RARB: variants seen among roughly 807,000 people sequenced by gnomAD.
The protein encoded by RARB is retinoic acid receptor beta.
Under a neutral mutation model 51.9 loss-of-function variants are expected in RARB, and 17 were observed. The ratio of observed to expected loss-of-function variants is 0.33; its 90% confidence interval spans 0.22 to 0.49. The LOEUF (loss-of-function observed/expected upper bound fraction) is 0.49, where lower values mean the gene tolerates loss of function less well. RARB is among the 20% of genes least tolerant of loss of function. RARB has a pLI of 0.99. For missense variants in RARB, 369 were observed against 550.8 expected, an observed-to-expected ratio of 0.67 and a Z score of 3.30; for synonymous variants, 215 against 195.4, an observed-to-expected ratio of 1.10 and a Z score of -0.84.
chr3:25,425,145 T>C (rs1444304615), upstream of RARB, among the ~76,000 whole-genome samples: 4 of 152,198 alleles, frequency 2.6e-5, no homozygotes, highest in Non-Finnish European at 5.9e-5. Flanking sequence ...CAAGAAGATA[T>C]TTGGGAAAGT....
At chr3:25,017,729 A>G (rs949850803) in intron 2 of RARB, among the ~76,000 whole-genome samples, 3 of 152,192 alleles carry the variant, frequency 2.0e-5, no homozygotes, top group African/African-American at 7.2e-5. Flanking sequence ...CCTCTGAATC[A>G]AGGCCAATCA....
At chr3:25,235,333 A>G (rs753095973) in intron 5 of RARB, among the ~76,000 whole-genome samples, 8 of 152,158 alleles carry the variant, frequency 5.3e-5, no homozygotes, top group African/African-American at 1.2e-4. Flanking sequence ...ATCAAATACT[A>G]TAAGCAAAAT....
Position 25,028,581 on chromosome 3 carries a change from G to A in RARB, c.-379-31544G>A, listed in dbSNP as rs535499323. 3.9e-5 allele frequency among the ~76,000 whole-genome samples: 6 copies of A among 152,310 alleles called. No homozygotes were observed. In the South Asian group the frequency reaches 1.2e-3, roughly 32 times the overall value. The stretch of plus-strand genomic sequence containing the variant: ...TGATAAAAACAGTTATAGGTACAGA[G>A]TGGATTTTAGAAGAGGGAGAAGGAA... On this transcript the variant is annotated intron_variant, in intron 2 of 11. Transcript: ENST00000383772.
At chr3:25,331,740 G>A (rs1018390275) in intron 5 of RARB, among the ~76,000 whole-genome samples, 1 of 152,028 alleles carries the variant, frequency 6.6e-6, no homozygotes, top group African/African-American at 2.4e-5. Context: ...CCAGGAGCTG[G>A]TTTTTTGGAA....
At chr3:25,331,287 T>A (rs897973812) in intron 5 of RARB, among the ~76,000 whole-genome samples, 1 of 152,088 alleles carries the variant, frequency 6.6e-6, no homozygotes, top group Non-Finnish European at 1.5e-5. Context: ...AAAGCACTCC[T>A]CAGAAAATAT....
At chr3:25,565,464 A>C (rs1700455532) in intron 3 of RARB, among the ~76,000 whole-genome samples, 1 of 152,162 alleles carries the variant, frequency 6.6e-6, no homozygotes, top group African/African-American at 2.4e-5. Context: ...TATTACTGTC[A>C]CTGTTTTATT....
chr3:25,078,489 C>G (rs1270588095), intron 3 of RARB, among the ~76,000 whole-genome samples: 1 of 150,050 alleles, frequency 6.7e-6, no homozygotes, highest in Non-Finnish European at 1.5e-5. Context: ...GCTGCAATGA[C>G]TTGGTAACTG....
chr3:25,080,517 A>G (rs921225500), intron 3 of RARB, among the ~76,000 whole-genome samples: 2 of 152,198 alleles, frequency 1.3e-5, no homozygotes, highest in African/African-American at 4.8e-5. Context: ...CAGCTATACC[A>G]TTTTGCATTC....
At chr3:25,408,383 G>A (rs989238449) in intron 5 of RARB, among the ~76,000 whole-genome samples, 14 of 152,008 alleles carry the variant, frequency 9.2e-5, no homozygotes, top group African/African-American at 3.4e-4. Flanking sequence ...CTATGGCCAA[G>A]CAGGAGAGAG....
intron 1 of RARB, among the ~76,000 whole-genome samples, chr3:25,432,072 C>T (rs1475890140): frequency 2.6e-5 from 4 of 152,104 alleles, no homozygotes; most frequent in African/African-American, 9.7e-5. Context: ...TTCTCGGGCA[C>T]ATGACGGTGG....
intron 3 of RARB, among the ~76,000 whole-genome samples, chr3:25,564,938 G>A (rs1700429450): frequency 1.3e-5 from 2 of 152,138 alleles, no homozygotes; most frequent in Admixed American, 6.5e-5. Flanking sequence ...TTGGAGCTGA[G>A]CATCAGATGC....
At chr3:25,198,837 G>C (rs944724344) in intron 5 of RARB, among the ~76,000 whole-genome samples, 16 of 152,114 alleles carry the variant, frequency 1.1e-4, no homozygotes, top group African/African-American at 3.6e-4. Context: ...TACAGGGTTG[G>C]AGGGAATGTA....
chr3:25,323,273 A>G (rs1211575639), intron 5 of RARB, among the ~76,000 whole-genome samples: 5 of 152,222 alleles, frequency 3.3e-5, no homozygotes, highest in African/African-American at 1.2e-4. Flanking sequence ...AATGAGGGGA[A>G]ATAGACCCAA....
At chr3:25,468,059 T>C (rs1447143893) in intron 2 of RARB, among the ~76,000 whole-genome samples, 1 of 151,954 alleles carries the variant, frequency 6.6e-6, no homozygotes, top group Non-Finnish European at 1.5e-5. Flanking sequence ...GCGGTGTGAG[T>C]CATAGAGAGA....
At chr3:25,329,299 C>G (rs750420212) in intron 5 of RARB, among the ~76,000 whole-genome samples, 4 of 152,062 alleles carry the variant, frequency 2.6e-5, no homozygotes, top group Non-Finnish European at 4.4e-5. Flanking sequence ...ACACCTCATA[C>G]GGCCGGGTGC....
chr3:24,835,113 G>A (rs1267433624), intron 1 of RARB, among the ~76,000 whole-genome samples: 1 of 152,072 alleles, frequency 6.6e-6, no homozygotes, highest in Admixed American at 6.5e-5. Flanking sequence ...TGCCCTGGCT[G>A]TTTCCACCAT....
At chr3:25,276,982 A>G (rs1266362125) in intron 5 of RARB, among the ~76,000 whole-genome samples, 1 of 152,216 alleles carries the variant, frequency 6.6e-6, no homozygotes, top group East Asian at 1.9e-4. Context: ...AAGAGTGAAA[A>G]TAAGTGAATG....
rs191520504 is a variant in RARB at position 24,906,215 on chromosome 3, G to A, written c.-380+47463G>A. ...GCTTGCTGTAGCTAGTAGCTGGGTAGAAGTAGTCTATTTGGGAGAGTATAT... is the reference window on the plus strand; with the variant it reads ...GCTTGCTGTAGCTAGTAGCTGGGTAAAAGTAGTCTATTTGGGAGAGTATAT... On this transcript the variant is annotated intron_variant, in intron 2 of 11. Coordinates refer to the RARB transcript ENST00000383772. Among the ~76,000 whole-genome samples, 7 of 152,328 alleles carry A rather than the reference G, an allele frequency of 4.6e-5. No homozygotes were observed. In the East Asian group the frequency reaches 7.7e-4, roughly 17 times the overall value.
chr3:25,182,066 G>A (rs1309696842), intron 5 of RARB, among the ~76,000 whole-genome samples: 1 of 152,012 alleles, frequency 6.6e-6, no homozygotes, highest in Non-Finnish European at 1.5e-5. Flanking sequence ...TAACTTCTTT[G>A]GAATTACATG....
Sources: gnomAD v4.1 joint callset for allele counts (sites outside exome capture counted in the v4.1 genomes callset) on GRCh38, gnomAD v4.1.1 for gene constraint, MANE v1.5 for transcripts, NCBI Gene and HGNC (gene_info 2026-07-23, HGNC 2026-07-21) for gene names.